SPTBN2: variants seen among roughly 807,000 people sequenced by gnomAD.
SPTBN2 encodes spectrin beta chain, non-erythrocytic 2.
Under a neutral mutation model 284.2 loss-of-function variants are expected in SPTBN2, and 107 were observed. The ratio of observed to expected loss-of-function variants is 0.38; its 90% CI spans 0.32 to 0.44. The LOEUF (loss-of-function observed/expected upper bound fraction) is 0.44. Ranked by LOEUF, SPTBN2 falls within the 20% of genes least tolerant of loss-of-function variation. SPTBN2 has a pLI of 1.00. For missense variants in SPTBN2, 2,569 were observed against 3,287.1 expected, an observed-to-expected ratio of 0.78 and a Z score of 5.34; for synonymous variants, 1,289 against 1,354.8, an observed-to-expected ratio of 0.95 and a Z score of 1.07.
Position 66,707,492 on chromosome 11 carries a change from C to A in SPTBN2, c.1653+24G>T. On this transcript the variant is annotated intron_variant, in intron 13 of 37. Transcript: ENST00000533211. This position sits in a 1 kb window ranked among gnomAD's most constrained non-coding sequence, Gnocchi z 4.9. The stretch of plus-strand genomic sequence containing the variant: ...CCCTCGACTCTTGATCACTCTTACC[C>A]CACCCAGCACGCCTCACTGGTACCT... 6.3e-7 allele frequency: 1 copy of A among 1,578,964 alleles called. No individual in the cohort carries two copies. The highest frequency in any genetic ancestry group is 1.7e-4 in the Middle Eastern group (1 of 5,716).
chr11:66,690,996 T>C (rs941692510), intron 27 of SPTBN2, among the ~76,000 whole-genome samples: 1 of 152,132 alleles, frequency 6.6e-6, no homozygotes, highest in Non-Finnish European at 1.5e-5. Flanking sequence ...TTTGTATTTT[T>C]AGTAGAGAAG....
chr11:66,691,618 C>A lies in SPTBN2; in HGVS notation c.5231G>T (p.Ser1744Ile). Residue 1744 changes from serine (S) to isoleucine (I), a missense_variant, in exon 27 of 38, where the codon AGC becomes ATC. Ser to Ile is a moderately radical substitution (Grantham distance 142). Transcript: ENST00000533211. This position sits in a 1 kb window ranked among gnomAD's most constrained non-coding sequence, Gnocchi z 8.0. The stretch of plus-strand genomic sequence containing the variant: ...ATCTACGCGCTCCTGACCGATGGTG[C>A]TTGTGTCCCGGGAGAACTCTCGGAA... Reference protein sequence around the residue: ...DKFREFSRDTSTIGQERVDSA... With the variant: ...DKFREFSRDTITIGQERVDSA... 1.2e-6 allele frequency: 2 copies of A among 1,613,880 alleles called. No individual in the cohort carries two copies. The highest frequency in any genetic ancestry group is 1.7e-6 in the Non-Finnish European group (2 of 1,180,044).
chr11:66,683,693 C>A lies in SPTBN2; in HGVS notation c.*2178G>T, dbSNP rs1663941347. Among the ~76,000 whole-genome samples, 1 of 152,238 alleles carries A rather than the reference C, an allele frequency of 6.6e-6. No homozygotes were observed. The highest frequency in any genetic ancestry group is 1.5e-5 in the Non-Finnish European group (1 of 68,050). On this transcript the variant is annotated 3_prime_UTR_variant, in exon 38 of 38. Coordinates refer to ENST00000533211, the MANE Select transcript of SPTBN2 (RefSeq NM_006946.4). ...CTGCAGGACTGCTTCAATTGGCTGT[C>A]CTATTTACACTTACGTGTCGTGTTA...
At chr11:66,692,867 A>G in intron 25 of SPTBN2, 103 bp downstream of exon 25, 2 of 1,595,668 alleles carry the variant, frequency 1.3e-6, no homozygotes, top group Non-Finnish European at 1.7e-6. Flanking sequence ...AGCTTTCTAG[A>G]AGGCTCCGTG....
chr11:66,742,345 C>G (rs181347214), intron 1 of SPTBN2, among the ~76,000 whole-genome samples: 7 of 152,126 alleles, frequency 4.6e-5, no homozygotes, highest in Admixed American at 4.6e-4. Flanking sequence ...ACCCTCATAT[C>G]GAAGGCTTCC....
At chr11:66,698,007 G>A (rs1565124895) in intron 20 of SPTBN2, among the ~76,000 whole-genome samples, 1 of 152,134 alleles carries the variant, frequency 6.6e-6, no homozygotes. Context: ...TGTTGAGCAC[G>A]TACCATGTTC....
chr11:66,709,708 CA>C (rs1281153860), intron 10 of SPTBN2, among the ~76,000 whole-genome samples: 2 of 152,152 alleles, frequency 1.3e-5, no homozygotes, highest in East Asian at 3.8e-4. Flanking sequence ...TGTATAGAAA[CA>C]ATTGTTTTCT....
chr11:66,706,180 C>T (rs954342678), intron 13 of SPTBN2, among the ~76,000 whole-genome samples: 4 of 152,072 alleles, frequency 2.6e-5, no homozygotes, highest in African/African-American at 7.2e-5. Flanking sequence ...CCCTCCTAGC[C>T]GCTGCCCGCC....
chr11:66,702,541 G>A (rs886840628), intron 15 of SPTBN2, among the ~76,000 whole-genome samples: 19 of 152,180 alleles, frequency 1.2e-4, no homozygotes, highest in Non-Finnish European at 2.4e-4. Context: ...TATAGGCTTC[G>A]TGAGCCATGC....
rs1942242148 is a variant in SPTBN2 at position 66,718,442 on chromosome 11, C to T, written c.158-2461G>A. ...CCCCACAGGGGGCCCCCGGGCCTCACCTTGCAGCTGTTTGAAGCGTCCTTC... is the reference window on the plus strand; with the variant it reads ...CCCCACAGGGGGCCCCCGGGCCTCATCTTGCAGCTGTTTGAAGCGTCCTTC... On this transcript the variant is annotated intron_variant, in intron 3 of 37. Transcript: ENST00000533211. This position sits in a 1 kb window ranked among gnomAD's most constrained non-coding sequence, Gnocchi z 4.8. Among the ~76,000 whole-genome samples the T allele has an allele frequency of 6.6e-6, 1 of 152,112 alleles. No individual in the cohort carries two copies. Among genetic ancestry groups the T allele is most frequent in the African/African-American group, 2.4e-5 (1 of 41,428 alleles).
intron 1 of SPTBN2, among the ~76,000 whole-genome samples, chr11:66,735,795 G>A (rs181174571): frequency 3.3e-4 from 50 of 152,232 alleles, no homozygotes; most frequent in African/African-American, 1.0e-3. Flanking sequence ...GTCAGATTGC[G>A]TTATCTTGAT....
Position 66,694,270 on chromosome 11 carries a change from C to A in SPTBN2, c.4372G>T (p.Glu1458Ter). 1 of 1,614,234 alleles carries A rather than the reference C, an allele frequency of 6.2e-7. No homozygotes were observed. The change falls in exon 22 of 38, where the codon GAG becomes TAG. Residue 1458 changes from glutamate (E) to a stop codon, truncating the protein, a stop_gained. Transcript: ENST00000533211. LOFTEE classifies it high-confidence loss of function. Reference sequence around the variant, plus strand: ...ACGGCCCTCGAGGTTCTCTCCACCTCCCCTGCACCCTGGTCCTCCTGGGCC... The same window carrying A: ...ACGGCCCTCGAGGTTCTCTCCACCTACCCTGCACCCTGGTCCTCCTGGGCC... ...ALAQEDQGAG[E>*]VERTSRAVEE...
chr11:66,685,752 G>A lies in SPTBN2; in HGVS notation c.*119C>T. 1 of 931,654 alleles carries A rather than the reference G, an allele frequency of 1.1e-6. No individual in the cohort carries two copies. Among genetic ancestry groups the A allele is most frequent in the East Asian group, 2.5e-5 (1 of 40,226 alleles). 57.7% of individuals were successfully genotyped at this position (931,654 alleles called of 1,614,324 possible). A position where few individuals can be genotyped will look rare whatever the true frequency, so the allele number is the denominator to read the frequency against. On this transcript the variant is annotated 3_prime_UTR_variant, in exon 38 of 38. Transcript: ENST00000533211. The surrounding 1 kb of genome is among the most constrained non-coding windows in gnomAD (Gnocchi z 4.4). Reference sequence around the variant, plus strand: ...CAGTGACAGTTCCTGGTGATGGGTTGACCTTGGCAACAGACCCTAGCAGCA... The same window carrying A: ...CAGTGACAGTTCCTGGTGATGGGTTAACCTTGGCAACAGACCCTAGCAGCA...
rs1296263986 is a variant in SPTBN2, at chr11:66,705,120, G to A, written c.2156C>T (p.Ser719Phe). Residue 719 changes from serine (S) to phenylalanine (F), a missense_variant, in exon 15 of 38, where the codon TCT becomes TTT. Ser to Phe is a radical substitution (Grantham distance 155). Around this residue, in one of 6 missense-constraint regions of SPTBN2, gnomAD observed 1,012 missense variants for 1,248.9 expected, o/e 0.81. Transcript: ENST00000533211. ...AEGHPGASQA[S>F]ARAAELQAQW... ...GGCTTGGAGTTCAGCTGCACGGGCA[G>A]AGGCCTGGCTTGCCCCAGGGTGACC... is the stretch of plus-strand genomic sequence containing the variant. The A allele has an allele frequency of 3.9e-6, 6 of 1,549,462 alleles. No homozygotes were observed. The highest frequency in any genetic ancestry group is 1.7e-6 in the Non-Finnish European group (2 of 1,151,848).
In SPTBN2 at chr11:66,708,311, G is replaced by T. The variant is rs774965267; in HGVS notation, c.1192-12C>A. On this transcript the variant is annotated splice_polypyrimidine_tract_variant and intron_variant, in intron 11 of 37. Transcript: ENST00000533211. This position sits in a 1 kb window ranked among gnomAD's most constrained non-coding sequence, Gnocchi z 4.4. ...AGCCGCTCCCAAGCCTATGGGGTGG[G>T]GACAGGGTTAGTGGAAGGGACAGGG... The T allele has an allele frequency of 3.2e-6, 5 of 1,578,712 alleles. No homozygotes were observed. Among genetic ancestry groups the T allele is most frequent in the Non-Finnish European group, 4.3e-6 (5 of 1,158,426 alleles).
intron 3 of SPTBN2, among the ~76,000 whole-genome samples, chr11:66,719,766 CAT>C (rs1434145988): frequency 6.6e-6 from 1 of 152,204 alleles, no homozygotes; most frequent in East Asian, 1.9e-4. Flanking sequence ...GTTGTACACA[CAT>C]AGACATCATG....
At position 66,694,372 on chromosome 11, in the gene SPTBN2, C is replaced by T. The variant is rs1349770676; in HGVS notation, c.4279-9G>A. 3.1e-6 allele frequency: 5 copies of T among 1,613,336 alleles called. No homozygotes were observed. Among genetic ancestry groups the T allele is most frequent in the Non-Finnish European group, 4.2e-6 (5 of 1,179,566 alleles). ...ATCTCCCATTCCAGCATCTGCAAAC[C>T]GCCAGGAGGAAGGACATGTTAGCTC... On this transcript the variant is annotated splice_polypyrimidine_tract_variant and intron_variant, in intron 21 of 37. Transcript: ENST00000533211.
chr11:66,730,605 A>AATC (rs985360473), upstream of SPTBN2, among the ~76,000 whole-genome samples: 7 of 151,882 alleles, frequency 4.6e-5, no homozygotes, highest in Non-Finnish European at 1.0e-4. Context: ...AAAATTAGAG[A>AATC]ATCAGCTGCC....
At chr11:66,689,259 G>C in intron 29 of SPTBN2, 79 bp from the exon 30 acceptor site, 1 of 1,406,996 alleles carries the variant, frequency 7.1e-7, no homozygotes. Flanking sequence ...CATCCAGGGG[G>C]ACAGGTGATT....
Sources: allele counts gnomAD v4.1 joint callset (sites outside exome capture counted in the v4.1 genomes callset), GRCh38; gene constraint gnomAD v4.1.1; regional missense constraint gnomAD v4.1.1; non-coding constraint Gnocchi (gnomAD v3.1); transcripts MANE v1.5; gene names NCBI Gene and HGNC (gene_info 2026-07-23, HGNC 2026-07-21).